RABGAP1L: variants seen among roughly 807,000 people sequenced by gnomAD.
RABGAP1L encodes RAB GTPase activating protein 1 like, also known as rab GTPase-activating protein 1-like.
A neutral mutation model predicts 137.7 loss-of-function variants in RABGAP1L; 63 were observed. The ratio of observed to expected loss-of-function variants is 0.46; its 90% CI spans 0.37 to 0.56. The LOEUF (loss-of-function observed/expected upper bound fraction) is 0.56. Ranked by LOEUF, RABGAP1L falls within the 20% of genes least tolerant of loss-of-function variation. The probability of loss-of-function intolerance (pLI) is 0.00; values close to 1 mark genes in which losing one functional copy is unlikely to be tolerated. For missense variants in RABGAP1L, 1,095 were observed against 1,244.0 expected (o/e 0.88, Z 1.80); for synonymous variants, 431 against 433.7 (o/e 0.99, Z 0.08).
At chr1:174,461,639 C>G (rs1270087020) in intron 13 of RABGAP1L, among the ~76,000 whole-genome samples, 2 of 152,118 alleles carry the variant, frequency 1.3e-5, no homozygotes, top group Non-Finnish European at 2.9e-5. Context: ...TGGGTCTCTT[C>G]CAGTAGTTCT....
At chr1:174,642,239 T>C (rs1674585037) in intron 14 of RABGAP1L, among the ~76,000 whole-genome samples, 1 of 152,182 alleles carries the variant, frequency 6.6e-6, no homozygotes, top group African/African-American at 2.4e-5. Context: ...CCTTTGTTTA[T>C]CTGGATTAAT....
intron 11 of RABGAP1L, among the ~76,000 whole-genome samples, chr1:174,311,156 A>G (rs558730136): frequency 6.6e-6 from 1 of 152,264 alleles, no homozygotes; most frequent in East Asian, 1.9e-4. Context: ...AGGAGGTTTA[A>G]TTGACTCACA....
At chr1:174,741,070 CT>C (rs1683365261) in intron 17 of RABGAP1L, among the ~76,000 whole-genome samples, 1 of 136,246 alleles carries the variant, frequency 7.3e-6, no homozygotes, top group Non-Finnish European at 1.6e-5. Context: ...TGTGTGGGAG[CT>C]TTTTAGTTTA....
At chr1:174,530,666 C>T (rs904786589) in intron 13 of RABGAP1L, among the ~76,000 whole-genome samples, 12 of 152,264 alleles carry the variant, frequency 7.9e-5, no homozygotes, top group Middle Eastern at 3.4e-3. Context: ...TAGGTATTTC[C>T]TGTCACTTTC....
chr1:174,913,878 A>G (rs1409643741), intron 19 of RABGAP1L, among the ~76,000 whole-genome samples: 1 of 152,228 alleles, frequency 6.6e-6, no homozygotes, highest in Non-Finnish European at 1.5e-5. Context: ...CAAAAGAAAC[A>G]AATTCTAAAA....
At chr1:174,843,001 T>G (rs1347124136) in intron 19 of RABGAP1L, among the ~76,000 whole-genome samples, 1 of 152,152 alleles carries the variant, frequency 6.6e-6, no homozygotes, top group African/African-American at 2.4e-5. Flanking sequence ...TTCCCAACAT[T>G]TTGTAAACAC....
intron 13 of RABGAP1L, among the ~76,000 whole-genome samples, chr1:174,513,024 C>G (rs1558297810): frequency 6.6e-6 from 1 of 152,108 alleles, no homozygotes. Context: ...GAATAAGTTT[C>G]TGTTATAGTA....
chr1:174,326,485 C>G (rs1451849342), intron 11 of RABGAP1L, among the ~76,000 whole-genome samples: 1 of 152,026 alleles, frequency 6.6e-6, no homozygotes, highest in Admixed American at 6.6e-5. Flanking sequence ...AAGACAGGCT[C>G]TTCAAAACTA....
intron 13 of RABGAP1L, among the ~76,000 whole-genome samples, chr1:174,542,190 C>T (rs1665522208): frequency 6.6e-6 from 1 of 152,160 alleles, no homozygotes; most frequent in African/African-American, 2.4e-5. Flanking sequence ...CCTTGTACCT[C>T]TGGTAGAATT....
At chr1:174,473,692 T>C (rs1032647583) in intron 13 of RABGAP1L, among the ~76,000 whole-genome samples, 3 of 152,230 alleles carry the variant, frequency 2.0e-5, no homozygotes, top group African/African-American at 7.2e-5. Flanking sequence ...TCTCAAACTT[T>C]ATTTTAATGC....
chr1:174,968,024 T>G (rs1218632623), intron 20 of RABGAP1L, among the ~76,000 whole-genome samples: 1 of 152,160 alleles, frequency 6.6e-6, no homozygotes, highest in African/African-American at 2.4e-5. Context: ...TCCCTGTTTA[T>G]GGATCCTCTG....
chr1:174,567,152 A>G (rs893334095), intron 13 of RABGAP1L, among the ~76,000 whole-genome samples: 2 of 152,164 alleles, frequency 1.3e-5, no homozygotes, highest in Non-Finnish European at 2.9e-5. Flanking sequence ...AACAAAAACT[A>G]TGCCCATTAA....
At chr1:174,983,444 A>C (rs566547540) in intron 24 of RABGAP1L, among the ~76,000 whole-genome samples, 2 of 152,300 alleles carry the variant, frequency 1.3e-5, no homozygotes, top group Admixed American at 1.3e-4. Context: ...TTGATGCTCT[A>C]TTTGAAAAAA....
At chr1:174,497,360 A>G (rs1660839736) in intron 13 of RABGAP1L, among the ~76,000 whole-genome samples, 1 of 152,236 alleles carries the variant, frequency 6.6e-6, no homozygotes, top group Non-Finnish European at 1.5e-5. Context: ...AATGTGCTGT[A>G]TATGAGGAAA....
At chr1:174,456,595 T>G (rs962150601) in intron 13 of RABGAP1L, among the ~76,000 whole-genome samples, 1 of 152,082 alleles carries the variant, frequency 6.6e-6, no homozygotes, top group Non-Finnish European at 1.5e-5. Context: ...AGTGATTAGT[T>G]TGAATTAGTG....
intron 13 of RABGAP1L, among the ~76,000 whole-genome samples, chr1:174,519,568 A>G (rs1209327976): frequency 6.6e-6 from 1 of 152,208 alleles, no homozygotes; most frequent in Admixed American, 6.5e-5. Context: ...AGACACACCC[A>G]GGATCAATAC....
In RABGAP1L at chr1:174,978,835, A is replaced by T; in HGVS notation, c.2678A>T (p.Glu893Val). 6.5e-7 allele frequency: 1 copy of T among 1,544,974 alleles called. No individual in the cohort carries two copies. The highest frequency in any genetic ancestry group is 2.0e-5 in the Admixed American group (1 of 49,868). The change falls in exon 23 of 26, where the codon GAG becomes GTG. Residue 893 changes from glutamate (E) to valine (V), a missense_variant. By Grantham distance (121) the Glu-to-Val change is moderately radical. This residue lies in a region of RABGAP1L where 312 missense variants were observed against 435.6 expected (regional missense o/e 0.72). Transcript: ENST00000681986. ...AAAGAAGTCTTCAGGAAACAGCTAG[A>T]GAAGGCAGAATATGAAATAAAGAAG... ...QLKEVFRKQL[E>V]KAEYEIKKTT...
intron 19 of RABGAP1L, among the ~76,000 whole-genome samples, chr1:174,865,105 G>A (rs886518773): frequency 1.3e-5 from 2 of 152,138 alleles, no homozygotes; most frequent in African/African-American, 4.8e-5. Flanking sequence ...GGGTGACAGA[G>A]TGAGACCCTG....
intron 19 of RABGAP1L, among the ~76,000 whole-genome samples, chr1:174,917,201 C>T (rs1382428883): frequency 6.6e-6 from 1 of 152,104 alleles, no homozygotes; most frequent in East Asian, 1.9e-4. Context: ...GTTAGGGCTT[C>T]AGTATCTCAG....
Sources: allele counts gnomAD v4.1 joint callset (sites outside exome capture counted in the v4.1 genomes callset), GRCh38; gene constraint gnomAD v4.1.1; regional missense constraint gnomAD v4.1.1; transcripts MANE v1.5; gene names NCBI Gene and HGNC (gene_info 2026-07-23, HGNC 2026-07-21).